HDAC5: variants seen among roughly 807,000 people sequenced by gnomAD.
HDAC5 encodes histone deacetylase 5.
In HDAC5, 25 loss-of-function variants were observed where a neutral mutation model predicts 133.3. The observed-to-expected ratio is 0.19, with a 90% CI of 0.14 to 0.26. The LOEUF is 0.26. Ranked by LOEUF, HDAC5 falls within the 10% of genes least tolerant of loss-of-function variation. HDAC5 has a pLI of 1.00. For synonymous variants in HDAC5, 589 were observed against 610.8 expected, an observed-to-expected ratio of 0.96 and a Z score of 0.53; for missense variants, 1,041 against 1,460.5, an observed-to-expected ratio of 0.71 and a Z score of 4.68.
At chr17:44,099,291 C>G (rs1030172637) in intron 3 of HDAC5, among the ~76,000 whole-genome samples, 3 of 151,878 alleles carry the variant, frequency 2.0e-5, no homozygotes, top group African/African-American at 4.8e-5. Flanking sequence ...TTGGGCCCCC[C>G]GCACCCAGCT....
Position 44,079,167 on chromosome 17 carries a change from C to A in HDAC5, c.3055G>T (p.Val1019Phe). The change falls in exon 24 of 27, where the codon GTC becomes TTC. Residue 1019 changes from valine to phenylalanine, a missense_variant. Val to Phe is a conservative substitution (Grantham distance 50, BLOSUM62 -1). Coordinates refer to ENST00000682912, the MANE Select transcript of HDAC5 (RefSeq NM_005474.5). ...ACCTCTACACTGAGCAGAGCCGAGA[C>A]ACAAGCCTCAGAGGCATCACAGATG... ...TAICDASEACVSALLSVELQP... is the reference protein window; with the variant it reads ...TAICDASEACFSALLSVELQP... 1 of 1,613,432 alleles carries A rather than the reference C, an allele frequency of 6.2e-7. No individual in the cohort carries two copies. The highest frequency in any genetic ancestry group is 8.5e-7 in the Non-Finnish European group (1 of 1,179,464).
chr17:44,097,933 G>A (rs916404443), intron 3 of HDAC5, among the ~76,000 whole-genome samples: 1 of 152,260 alleles, frequency 6.6e-6, no homozygotes, highest in Non-Finnish European at 1.5e-5. Context: ...GCTGCAGCGG[G>A]AACCACAGCC....
At chr17:44,113,597 C>G (rs2052471349) in intron 2 of HDAC5, among the ~76,000 whole-genome samples, 1 of 152,142 alleles carries the variant, frequency 6.6e-6, no homozygotes. Context: ...ACCAGCACAC[C>G]CATGTATCAT....
At chr17:44,082,505 TG>T in intron 20 of HDAC5, 79 bp downstream of exon 20, 2 of 1,131,498 alleles carry the variant, frequency 1.8e-6, no homozygotes, top group Non-Finnish European at 1.3e-6. Context: ...AAGGTGGGGC[TG>T]GGGGAGGAGA....
chr17:44,121,001 G>A (rs2052959367), intron 1 of HDAC5, among the ~76,000 whole-genome samples: 1 of 151,432 alleles, frequency 6.6e-6, no homozygotes, highest in Non-Finnish European at 1.5e-5. Context: ...AAGGCACCAG[G>A]CTGACAAATT....
At chr17:44,103,664 T>G (rs1365080233) in intron 3 of HDAC5, among the ~76,000 whole-genome samples, 2 of 151,964 alleles carry the variant, frequency 1.3e-5, no homozygotes, top group African/African-American at 2.4e-5. Flanking sequence ...CTGAACTCTT[T>G]TGGCAATCTA....
At chr17:44,122,884 G>A (rs1007517655) in intron 1 of HDAC5, among the ~76,000 whole-genome samples, 1 of 152,212 alleles carries the variant, frequency 6.6e-6, no homozygotes, top group East Asian at 1.9e-4. Flanking sequence ...CTGGCTCCAA[G>A]GTGTCAGACA....
chr17:44,114,441 G>T (rs895200360), intron 2 of HDAC5, among the ~76,000 whole-genome samples: 11 of 151,686 alleles, frequency 7.3e-5, no homozygotes, highest in Non-Finnish European at 1.5e-4. Flanking sequence ...CAGGCGTGGG[G>T]GGGGGGGGCT....
intron 3 of HDAC5, among the ~76,000 whole-genome samples, chr17:44,102,130 G>A (rs146500325): frequency 9.7e-4 from 148 of 152,320 alleles, no homozygotes; most frequent in Admixed American, 2.9e-3. Flanking sequence ...GGCTGTGTAG[G>A]TGGCATATTG....
rs2051096617 is a variant in HDAC5, at chr17:44,093,842, C to A, written c.95-8G>T. ...GCACCGGCTTCACCTCCACTGTGGGCAGAAGAGACAGGAAGGAGTTAGTGG... is the reference window on the plus strand; with the variant it reads ...GCACCGGCTTCACCTCCACTGTGGGAAGAAGAGACAGGAAGGAGTTAGTGG... On this transcript the variant is annotated splice_region_variant and splice_polypyrimidine_tract_variant and intron_variant, in intron 3 of 26. Transcript: ENST00000682912. 1 of 1,479,696 alleles carries A rather than the reference C, an allele frequency of 6.8e-7. No homozygotes were observed. The allele number at this position is 1,479,696 out of a possible 1,614,324, so 91.7% of individuals were successfully genotyped here.
Position 44,088,568 on chromosome 17 carries a change from G to A in HDAC5, c.1418C>T (p.Thr473Met), listed in dbSNP as rs775955049. 84 of 1,613,354 alleles carry A rather than the reference G, an allele frequency of 5.2e-5. No homozygotes were observed. Among genetic ancestry groups the A allele is most frequent in the Middle Eastern group, 1.6e-4 (1 of 6,082 alleles). The change falls in exon 12 of 27, where the codon ACG becomes ATG. Residue 473 changes from threonine (T) to methionine (M), a missense_variant. Thr to Met is a moderately conservative substitution (Grantham distance 81). This residue lies in a region of HDAC5 where 433 missense variants were observed against 531.6 expected (regional missense o/e 0.81). Transcript: ENST00000682912. ...CATGCTGGTGGCCACACGTTCACCC[G>A]TCACTAGTGGGGACTGCCCGTGGAG... is the stretch of plus-strand genomic sequence containing the variant. ...VPLHGQSPLV[T>M]GERVATSMRT...
intron 3 of HDAC5, among the ~76,000 whole-genome samples, chr17:44,103,631 T>C (rs1387711012): frequency 1.3e-5 from 2 of 151,794 alleles, no homozygotes; most frequent in Non-Finnish European, 2.9e-5. Flanking sequence ...CTATTATTAA[T>C]GGCTCCTCAT....
chr17:44,112,896 G>A lies in HDAC5; in HGVS notation c.23-2096C>T, dbSNP rs146256174. On this transcript the variant is annotated intron_variant, in intron 2 of 26. Coordinates refer to ENST00000682912, the MANE Select transcript of HDAC5 (RefSeq NM_005474.5). ...GCAGTGGAACAGTACTCCCTCAGAG[G>A]CCTAGTGCTGGTGGACATTCAGGGT... is the stretch of plus-strand genomic sequence containing the variant. Among the ~76,000 whole-genome samples, 513 of 152,320 alleles carry A rather than the reference G, an allele frequency of 3.4e-3. 5 individuals are homozygous for A. The highest frequency in any genetic ancestry group is 0.011 in the African/African-American group (465 of 41,562).
chr17:44,092,756 G>A lies in HDAC5; in HGVS notation c.692C>T (p.Pro231Leu), dbSNP rs1016972794. The A allele has an allele frequency of 2.1e-6, 3 of 1,417,556 alleles. No homozygotes were observed. The highest frequency in any genetic ancestry group is 2.8e-6 in the Non-Finnish European group (3 of 1,053,396). 87.8% of individuals were successfully genotyped at this position (1,417,556 alleles called of 1,614,324 possible). Residue 231 changes from proline to leucine, a missense_variant, in exon 7 of 27, where the codon CCC (proline) becomes CTC (leucine). Transcript: ENST00000682912. ...LDQSSPPQSG[P>L]PGTPPSYKLP... Reference sequence around the variant, plus strand: ...TTTGTAGGAGGGAGGCGTCCCAGGGGGGCCGCTCTGGGGAGGGGAACTCTG... The same window carrying A: ...TTTGTAGGAGGGAGGCGTCCCAGGGAGGCCGCTCTGGGGAGGGGAACTCTG...
intron 3 of HDAC5, among the ~76,000 whole-genome samples, chr17:44,100,482 C>T (rs1473770680): frequency 6.6e-6 from 1 of 151,388 alleles, no homozygotes; most frequent in Non-Finnish European, 1.5e-5. Flanking sequence ...TGCCTGTAAT[C>T]CCAGCACTTT....
intron 3 of HDAC5, among the ~76,000 whole-genome samples, chr17:44,104,241 T>C (rs1208102453): frequency 1.3e-5 from 2 of 151,106 alleles, no homozygotes; most frequent in Non-Finnish European, 3.0e-5. Flanking sequence ...GAGGCGGAGG[T>C]TGCAGTGAGC....
chr17:44,112,767 C>A (rs1269276117), intron 2 of HDAC5, among the ~76,000 whole-genome samples: 1 of 152,196 alleles, frequency 6.6e-6, no homozygotes, highest in East Asian at 1.9e-4. Flanking sequence ...AGGCCCTTGA[C>A]TAGCAAGATG....
intron 3 of HDAC5, among the ~76,000 whole-genome samples, chr17:44,104,371 C>A (rs2051807157): frequency 6.6e-6 from 1 of 152,128 alleles, no homozygotes; most frequent in South Asian, 2.1e-4. Flanking sequence ...ATTCCCAAAT[C>A]TTTTAAGTGG....
rs1042741171 is a variant in HDAC5 at position 44,076,862 on chromosome 17, T to C, written c.*1514A>G. On this transcript the variant is annotated 3_prime_UTR_variant, in exon 27 of 27. Transcript: ENST00000682912. Reference sequence around the variant, plus strand: ...AGACAAAGCAAGGAGTGGGTTTACATGAGAACCAGACCAGCCACAGGGAGA... The same window carrying C: ...AGACAAAGCAAGGAGTGGGTTTACACGAGAACCAGACCAGCCACAGGGAGA... 2 of 160,586 alleles carry C rather than the reference T, an allele frequency of 1.2e-5. No homozygotes were observed. The highest frequency in any genetic ancestry group is 4.8e-5 in the African/African-American group (2 of 41,590). The allele number at this position is 160,586 out of a possible 1,614,324, so 9.9% of individuals were successfully genotyped here. A position where few individuals can be genotyped will look rare whatever the true frequency, so the allele number is the denominator to read the frequency against.
Sources: allele counts gnomAD v4.1 joint callset (sites outside exome capture counted in the v4.1 genomes callset), GRCh38; gene constraint gnomAD v4.1.1; regional missense constraint gnomAD v4.1.1; transcripts MANE v1.5; gene names NCBI Gene and HGNC (gene_info 2026-07-23, HGNC 2026-07-21).